SOX5: variants seen among roughly 807,000 people sequenced by gnomAD.
SOX5 encodes transcription factor SOX-5.
A neutral mutation model predicts 92.0 loss-of-function variants in SOX5; 9 were observed. The observed-to-expected ratio is 0.10, with a 90% confidence interval of 0.06 to 0.17. The LOEUF (loss-of-function observed/expected upper bound fraction) is 0.17. Ranked by LOEUF, SOX5 falls within the 10% of genes least tolerant of loss-of-function variation. The pLI, the probability that SOX5 is intolerant of heterozygous loss-of-function variation, is 1.00. For missense variants in SOX5, 642 were observed against 944.5 expected, an observed-to-expected ratio of 0.68 and a Z score of 4.20; for synonymous variants, 344 against 336.3, an observed-to-expected ratio of 1.02 and a Z score of -0.25.
chr12:24,400,157 C>G (rs1961166592), intron 1 of SOX5, among the ~76,000 whole-genome samples: 1 of 152,194 alleles, frequency 6.6e-6, no homozygotes, highest in South Asian at 2.1e-4. Flanking sequence ...TTCATTAAGA[C>G]TTTAGAGGAA....
intron 1 of SOX5, among the ~76,000 whole-genome samples, chr12:23,942,298 A>T (rs1450626345): frequency 6.6e-6 from 1 of 151,884 alleles, no homozygotes; most frequent in Non-Finnish European, 1.5e-5. Context: ...ATCTTATGTA[A>T]AAGTTTCACA....
chr12:24,148,353 G>A (rs1449172227), intron 4 of SOX5, among the ~76,000 whole-genome samples: 5 of 151,720 alleles, frequency 3.3e-5, no homozygotes, highest in Admixed American at 3.3e-4. Flanking sequence ...AAATTAGCTG[G>A]GTGTGGTGAT....
chr12:24,173,693 T>G (rs1196498348), intron 4 of SOX5, among the ~76,000 whole-genome samples: 1 of 152,120 alleles, frequency 6.6e-6, no homozygotes, highest in Admixed American at 6.5e-5. Context: ...GAAGTGATAT[T>G]TTAATATTTT....
At chr12:24,554,096 T>TAA (rs1953502242) in intron 1 of SOX5, among the ~76,000 whole-genome samples, 1 of 152,178 alleles carries the variant, frequency 6.6e-6, no homozygotes, top group Admixed American at 6.5e-5. Flanking sequence ...AGAATGCCAA[T>TAA]GGTGCACAGG....
chr12:23,844,925 G>C (rs1001356086), intron 3 of SOX5, among the ~76,000 whole-genome samples: 2 of 152,142 alleles, frequency 1.3e-5, no homozygotes, highest in Non-Finnish European at 2.9e-5. Context: ...TGGCTGACAA[G>C]AATATCTCTA....
chr12:24,201,289 T>C (rs189623575), intron 4 of SOX5, among the ~76,000 whole-genome samples: 2 of 152,318 alleles, frequency 1.3e-5, no homozygotes, highest in South Asian at 4.1e-4. Context: ...TGTTATGTTT[T>C]AGGTCACAGA....
intron 1 of SOX5, among the ~76,000 whole-genome samples, chr12:23,946,577 G>A (rs1944625393): frequency 6.6e-6 from 1 of 151,864 alleles, no homozygotes; most frequent in Non-Finnish European, 1.5e-5. Context: ...AAAACCTTAA[G>A]TCACAATTTT....
chr12:23,679,877 A>G (rs7962578), intron 6 of SOX5, among the ~76,000 whole-genome samples: 147,971 of 152,146 alleles, frequency 0.97, 72,060 homozygotes, highest in East Asian at 1. Flanking sequence ...CAAAGATATC[A>G]AGGTAGTGGA....
chr12:24,521,625 G>A (rs1014120264), intron 1 of SOX5, among the ~76,000 whole-genome samples: 1 of 152,072 alleles, frequency 6.6e-6, no homozygotes, highest in Non-Finnish European at 1.5e-5. Context: ...TAATCATAAT[G>A]GAGTGAAATT....
chr12:23,579,630 G>A (rs1195490462), intron 9 of SOX5, among the ~76,000 whole-genome samples: 1 of 151,954 alleles, frequency 6.6e-6, no homozygotes, highest in African/African-American at 2.4e-5. Context: ...TTTCTGGCAT[G>A]CATTCTTATA....
chr12:23,795,154 C>T (rs948121221), intron 3 of SOX5, among the ~76,000 whole-genome samples: 1 of 151,994 alleles, frequency 6.6e-6, no homozygotes, highest in Non-Finnish European at 1.5e-5. Flanking sequence ...CTTCCTAGAA[C>T]AGAGTAGCCC....
chr12:23,950,868 C>T (rs1335009300), upstream of SOX5: 1 of 1,535,154 alleles, frequency 6.5e-7, no homozygotes, highest in Admixed American at 2.0e-5. Context: ...GAGACACTTA[C>T]ACAGACATGC....
intron 4 of SOX5, among the ~76,000 whole-genome samples, chr12:24,065,391 T>C (rs1412641348): frequency 1.3e-5 from 2 of 151,944 alleles, no homozygotes; most frequent in African/African-American, 2.4e-5. Context: ...GCTCATGCCA[T>C]TAATCCCAGC....
At chr12:24,127,863 A>G (rs1949263152) in intron 4 of SOX5, among the ~76,000 whole-genome samples, 1 of 152,214 alleles carries the variant, frequency 6.6e-6, no homozygotes, top group Non-Finnish European at 1.5e-5. Flanking sequence ...ATTTGTATAT[A>G]GGTTGCACCC....
At chr12:23,655,217 T>G (rs552828847) in intron 7 of SOX5, among the ~76,000 whole-genome samples, 7 of 152,198 alleles carry the variant, frequency 4.6e-5, no homozygotes, top group African/African-American at 1.7e-4. Flanking sequence ...ATCTAAGAAG[T>G]CTGAGTATCC....
Position 24,256,728 on chromosome 12 carries a change from T to C in SOX5, c.-77+20488A>G, listed in dbSNP as rs535164438. ...AATTATAGTTTCTCCCCTGTCAGCA[T>C]GAAGCATGGCCCATCCTGCACAAAG... On this transcript the variant is annotated intron_variant, in intron 3 of 4. Transcript: ENST00000446891. Among the ~76,000 whole-genome samples the C allele has an allele frequency of 2.6e-5, 4 of 152,248 alleles. No individual in the cohort carries two copies. The East Asian group carries it at 7.7e-4, about 29-fold the overall frequency.
At chr12:24,342,900 T>C (rs1368203026) in intron 2 of SOX5, among the ~76,000 whole-genome samples, 2 of 152,244 alleles carry the variant, frequency 1.3e-5, no homozygotes, top group African/African-American at 4.8e-5. Context: ...TTTCTAGCCC[T>C]ATCACTTCTC....
At chr12:24,520,679 C>G (rs887804360) in intron 1 of SOX5, among the ~76,000 whole-genome samples, 1 of 152,006 alleles carries the variant, frequency 6.6e-6, no homozygotes, top group African/African-American at 2.4e-5. Flanking sequence ...GTTAAATTCA[C>G]CAATGAAAAG....
intron 1 of SOX5, among the ~76,000 whole-genome samples, chr12:24,533,205 T>C (rs1292638977): frequency 6.6e-6 from 1 of 152,204 alleles, no homozygotes; most frequent in African/African-American, 2.4e-5. Flanking sequence ...TTGGAATTAA[T>C]CCATGGTCAA....
Sources: allele counts gnomAD v4.1 joint callset (sites outside exome capture counted in the v4.1 genomes callset), GRCh38; gene constraint gnomAD v4.1.1; transcripts MANE v1.5; gene names NCBI Gene and HGNC (gene_info 2026-07-23, HGNC 2026-07-21).